Variants in TTBK1 observed in about 807,000 individuals in gnomAD.
TTBK1 encodes tau-tubulin kinase 1.
A neutral mutation model predicts 108.5 loss-of-function variants in TTBK1; 34 were observed. The observed-to-expected ratio is 0.31, with a 90% CI of 0.24 to 0.42. TTBK1 has a LOEUF of 0.42. Among genes scored for constraint, TTBK1 ranks in the 10% least tolerant of loss-of-function variants. TTBK1 has a pLI of 1.00. For synonymous variants in TTBK1, 809 were observed against 795.1 expected (o/e 1.02, Z -0.29); for missense variants, 1,539 against 1,826.0 (o/e 0.84, Z 2.86).
At chr6:43,275,507 C>A (rs1051023240) in intron 13 of TTBK1, among the ~76,000 whole-genome samples, 1 of 151,980 alleles carries the variant, frequency 6.6e-6, no homozygotes, top group Non-Finnish European at 1.5e-5. Flanking sequence ...TGGGGACAGG[C>A]GGAGGCGTTC....
chr6:43,254,645 G>A lies in TTBK1; in HGVS notation c.570G>A (p.Val190=), dbSNP rs1777336370. Reference sequence around the variant, plus strand: ...AGTACACCAACACCACGGGGGATGTGCGGCCCGTGAGTACCGTCGGGGCGG... The same window carrying A: ...AGTACACCAACACCACGGGGGATGTACGGCCCGTGAGTACCGTCGGGGCGG... The part of the protein sequence containing the change: ...ARQYTNTTGD[V]RPPRNVAGFR... Residue 190 remains valine, a synonymous_variant, in exon 6 of 15, where the codon GTG becomes GTA. Transcript: ENST00000259750. The A allele has an allele frequency of 1.9e-6, 3 of 1,574,116 alleles. No homozygotes were observed. The highest frequency in any genetic ancestry group is 1.7e-6 in the Non-Finnish European group (2 of 1,161,906).
At chr6:43,280,356 A>G (rs1270302535) in intron 13 of TTBK1, among the ~76,000 whole-genome samples, 1 of 152,172 alleles carries the variant, frequency 6.6e-6, no homozygotes, top group Non-Finnish European at 1.5e-5. Flanking sequence ...GAGGGGGCCA[A>G]TGACCTCCAA....
In TTBK1 at chr6:43,282,235, G is replaced by A. The variant is rs1371185091; in HGVS notation, c.1987-492G>A. Among the ~76,000 whole-genome samples the A allele has an allele frequency of 1.3e-5, 2 of 152,224 alleles. No homozygotes were observed. Among genetic ancestry groups the A allele is most frequent in the African/African-American group, 4.8e-5 (2 of 41,464 alleles). ...CCTGAGGTGGTACTGAGGGCATCTAGGAGCCAGCCCGGCACAGCCCATCCA... is the reference window on the plus strand; with the variant it reads ...CCTGAGGTGGTACTGAGGGCATCTAAGAGCCAGCCCGGCACAGCCCATCCA... On this transcript the variant is annotated intron_variant, in intron 13 of 14. Coordinates refer to ENST00000259750, the MANE Select transcript of TTBK1 (RefSeq NM_032538.3). This position sits in a 1 kb window ranked among gnomAD's most constrained non-coding sequence, Gnocchi z 5.4.
Position 43,269,958 on chromosome 6 carries a change from C to A in TTBK1, c.1986+6608C>A, listed in dbSNP as rs1025381746. On this transcript the variant is annotated intron_variant, in intron 13 of 14. Transcript: ENST00000259750. This position sits in a 1 kb window ranked among gnomAD's most constrained non-coding sequence, Gnocchi z 4.8. ...GTTCACCCACAAGACCTAGGCTGGGCCCCCCCCCTCCTGGAGGGGGCAGGT... is the reference window on the plus strand; with the variant it reads ...GTTCACCCACAAGACCTAGGCTGGGACCCCCCCCTCCTGGAGGGGGCAGGT... 1.5e-6 allele frequency: 2 copies of A among 1,358,946 alleles called. No homozygotes were observed. The highest frequency in any genetic ancestry group is 9.6e-7 in the Non-Finnish European group (1 of 1,043,832). The allele number at this position is 1,358,946 out of a possible 1,614,324, so 84.2% of individuals were successfully genotyped here.
At chr6:43,247,339 G>A (rs367754384) in intron 2 of TTBK1, among the ~76,000 whole-genome samples, 18 of 152,190 alleles carry the variant, frequency 1.2e-4, no homozygotes, top group African/African-American at 4.1e-4. Flanking sequence ...CGGGCTGCTC[G>A]GCCTGCTGGG....
intron 9 of TTBK1, among the ~76,000 whole-genome samples, chr6:43,256,591 T>A (rs181719441): frequency 6.6e-6 from 1 of 152,058 alleles, no homozygotes; most frequent in Non-Finnish European, 1.5e-5. Context: ...ATACAAAAAT[T>A]AGCCGGGTGT....
In TTBK1 at chr6:43,267,816, G is replaced by A. The variant is rs1777723067; in HGVS notation, c.1986+4466G>A. On this transcript the variant is annotated intron_variant, in intron 13 of 14. Coordinates refer to ENST00000259750, the MANE Select transcript of TTBK1 (RefSeq NM_032538.3). ...CCGATAGCACAGCAGGTCAGCATGCGCTGAGTACACAGACACTGCCCGGCA... is the reference window on the plus strand; with the variant it reads ...CCGATAGCACAGCAGGTCAGCATGCACTGAGTACACAGACACTGCCCGGCA... 3.9e-5 allele frequency among the ~76,000 whole-genome samples: 6 copies of A among 152,290 alleles called. No homozygotes were observed. The South Asian group carries it at 1.2e-3, about 32-fold the overall frequency.
Position 43,286,602 on chromosome 6 carries a change from A to T in TTBK1, c.*1226A>T, listed in dbSNP as rs1484659272. The T allele has an allele frequency of 1.3e-5, 2 of 152,440 alleles. No homozygotes were observed. Among genetic ancestry groups the T allele is most frequent in the Non-Finnish European group, 2.9e-5 (2 of 68,192 alleles). The allele number at this position is 152,440 out of a possible 1,614,324, so 9.4% of individuals were successfully genotyped here. A position where few individuals can be genotyped will look rare whatever the true frequency, so the allele number is the denominator to read the frequency against. On this transcript the variant is annotated 3_prime_UTR_variant, in exon 15 of 15. Transcript: ENST00000259750. The surrounding 1 kb of genome is among the most constrained non-coding windows in gnomAD (Gnocchi z 4.6). The stretch of plus-strand genomic sequence containing the variant: ...AAGGCCCTTCTAACTTCCAGATTGT[A>T]TGCTTGAGTGATGGGTCCCCAGCCC...
rs775908650 is a variant in TTBK1, at chr6:43,284,962, C to G, written c.3573-21C>G. On this transcript the variant is annotated intron_variant, in intron 14 of 14. Coordinates refer to ENST00000259750, the MANE Select transcript of TTBK1 (RefSeq NM_032538.3). ...TGTTTCTTTGCCCTCTTCTTTTCTC[C>G]TGCCTTCTGCTCTCAAGCAGGCTCC... 4.0e-6 allele frequency: 6 copies of G among 1,505,798 alleles called. No individual in the cohort carries two copies. The South Asian group carries it at 7.4e-5, about 18-fold the overall frequency. 93.3% of individuals were successfully genotyped at this position (1,505,798 alleles called of 1,614,324 possible).
Position 43,273,759 on chromosome 6 carries a change from C to T in TTBK1, c.1987-8968C>T, listed in dbSNP as rs1467748562. The stretch of plus-strand genomic sequence containing the variant: ...CTTCTAATTTTTATTTGAAATCTCC[C>T]AATTTTTAATTGTTGGCATCTAATT... On this transcript the variant is annotated intron_variant, in intron 13 of 14. Transcript: ENST00000259750. This position sits in a 1 kb window ranked among gnomAD's most constrained non-coding sequence, Gnocchi z 4.2. Among the ~76,000 whole-genome samples the T allele has an allele frequency of 6.6e-6, 1 of 152,192 alleles. No homozygotes were observed. Among genetic ancestry groups the T allele is most frequent in the African/African-American group, 2.4e-5 (1 of 41,440 alleles).
At chr6:43,245,744 C>T (rs765029000) in intron 1 of TTBK1, among the ~76,000 whole-genome samples, 8 of 152,174 alleles carry the variant, frequency 5.3e-5, no homozygotes, top group Non-Finnish European at 1.2e-4. Flanking sequence ...CTTGTCGATT[C>T]CTAAGCAGAC....
chr6:43,256,565 C>T (rs1039397177), intron 9 of TTBK1, among the ~76,000 whole-genome samples: 1 of 152,010 alleles, frequency 6.6e-6, no homozygotes, highest in African/African-American at 2.4e-5. Context: ...ATGGTGAAAC[C>T]CTGTTTCTAC....
rs1354427624 is a variant in TTBK1 at position 43,285,596 on chromosome 6, C to T, written c.*220C>T. The T allele has an allele frequency of 2.3e-6, 1 of 435,904 alleles. No homozygotes were observed. The highest frequency in any genetic ancestry group is 2.1e-5 in the African/African-American group (1 of 48,230). The allele number at this position is 435,904 out of a possible 1,614,324, so 27.0% of individuals were successfully genotyped here. On this transcript the variant is annotated 3_prime_UTR_variant, in exon 15 of 15. Coordinates refer to ENST00000259750, the MANE Select transcript of TTBK1 (RefSeq NM_032538.3). This position sits in a 1 kb window ranked among gnomAD's most constrained non-coding sequence, Gnocchi z 4.7. ...CGCGGCCCCGCGCCGCGGGGAGGGT[C>T]TGCCTCCCCTTCCTCGCCCTGTGTC...
chr6:43,279,110 G>A (rs984879472), intron 13 of TTBK1, among the ~76,000 whole-genome samples: 3 of 152,192 alleles, frequency 2.0e-5, no homozygotes, highest in Admixed American at 2.0e-4. Flanking sequence ...CAGTTTCCCA[G>A]TCTGATTTTA....
Position 43,259,755 on chromosome 6 carries a change from T to C in TTBK1, c.1424+49T>C. ...GTTGGGGCCCAAGGCCCTCTCCGCC[T>C]TCACGTGGCTGGTCTGGAGGAAAAG... is the stretch of plus-strand genomic sequence containing the variant. On this transcript the variant is annotated intron_variant, in intron 12 of 14. Coordinates refer to ENST00000259750, the MANE Select transcript of TTBK1 (RefSeq NM_032538.3). The surrounding 1 kb of genome is among the most constrained non-coding windows in gnomAD (Gnocchi z 6.7). 2 of 1,470,034 alleles carry C rather than the reference T, an allele frequency of 1.4e-6. No individual in the cohort carries two copies. The highest frequency in any genetic ancestry group is 1.8e-6 in the Non-Finnish European group (2 of 1,104,842). The allele number at this position is 1,470,034 out of a possible 1,614,324, so 91.1% of individuals were successfully genotyped here.
At chr6:43,264,384 A>AAAT (rs1680908250) in intron 13 of TTBK1, among the ~76,000 whole-genome samples, 1 of 151,180 alleles carries the variant, frequency 6.6e-6, no homozygotes, top group African/African-American at 2.5e-5. Context: ...CTCTGACTCA[A>AAAT]AATAAAATAA....
At chr6:43,279,097 C>T (rs543836785) in intron 13 of TTBK1, among the ~76,000 whole-genome samples, 7 of 152,310 alleles carry the variant, frequency 4.6e-5, no homozygotes, top group Admixed American at 3.9e-4. Flanking sequence ...CCTCTCTGTG[C>T]CTCAGTTTCC....
Position 43,283,593 on chromosome 6 carries a change from T to C in TTBK1, c.2853T>C (p.Ser951=), listed in dbSNP as rs151040924. ...VMSSGGQALR[S]EEFSAGGELG... is the part of the protein sequence containing the mutation. ...CTTCCGGTGGACAAGCCTTGCGGTC[T>C]GAGGAGTTCAGCGCTGGGGGCGAGC... The change falls in exon 14 of 15, where the codon TCT becomes TCC. Residue 951 remains serine, a synonymous_variant. Transcript: ENST00000259750. The surrounding 1 kb of genome is among the most constrained non-coding windows in gnomAD (Gnocchi z 8.1). 8.7e-6 allele frequency: 14 copies of C among 1,613,972 alleles called. No individual in the cohort carries two copies. In the African/African-American group the frequency reaches 1.7e-4, roughly 20 times the overall value.
Position 43,259,368 on chromosome 6 carries a change from C to T in TTBK1, c.1248+99C>T, listed in dbSNP as rs1777468571. 1.6e-5 allele frequency: 21 copies of T among 1,275,180 alleles called. No individual in the cohort carries two copies. The South Asian group carries it at 1.7e-4, about 10-fold the overall frequency. 79.0% of individuals were successfully genotyped at this position (1,275,180 alleles called of 1,614,324 possible). A position where few individuals can be genotyped will look rare whatever the true frequency, so the allele number is the denominator to read the frequency against. On this transcript the variant is annotated intron_variant, in intron 11 of 14. Coordinates refer to ENST00000259750, the MANE Select transcript of TTBK1 (RefSeq NM_032538.3). This position sits in a 1 kb window ranked among gnomAD's most constrained non-coding sequence, Gnocchi z 6.7. ...CTGTTCCTCCTAAGCACCCTGTCCC[C>T]GGCCATCTGCCTGCTTGCCCTGCCT... is the stretch of plus-strand genomic sequence containing the variant.
Sources: allele counts gnomAD v4.1 joint callset (sites outside exome capture counted in the v4.1 genomes callset), GRCh38; gene constraint gnomAD v4.1.1; non-coding constraint Gnocchi (gnomAD v3.1); transcripts MANE v1.5; gene names NCBI Gene and HGNC (gene_info 2026-07-23, HGNC 2026-07-21).